SLC30A5: variants seen among roughly 807,000 people sequenced by gnomAD.
The protein encoded by SLC30A5 is solute carrier family 30 member 5.
A neutral mutation model predicts 79.6 loss-of-function variants in SLC30A5; 33 were observed. The ratio of observed to expected loss-of-function variants is 0.41; its 90% CI spans 0.31 to 0.55. The LOEUF (loss-of-function observed/expected upper bound fraction) is 0.55, where lower values mean the gene tolerates loss of function less well. SLC30A5 is among the 20% of genes least tolerant of loss of function. SLC30A5 has a pLI of 0.20. For missense variants in SLC30A5, 788 were observed against 928.1 expected (o/e 0.85, Z 1.96); for synonymous variants, 299 against 319.7 (o/e 0.94, Z 0.69).
At position 69,128,125 on chromosome 5, in the gene SLC30A5, T is replaced by C. The variant is rs370187695; in HGVS notation, c.2120T>C (p.Val707Ala). The C allele has an allele frequency of 1.9e-6, 3 of 1,606,322 alleles. No homozygotes were observed. ...TCTGATGTGCTAGAACAAAGAATAG[T>C]ACAGCAGGTAATCTTTTGTTTTTAA... ...VTSDVLEQRI[V>A]QQVTGILKDA... is the part of the protein sequence containing the mutation. Residue 707 changes from valine to alanine, a missense_variant, in exon 15 of 16, where the codon GTA becomes GCA. Transcript: ENST00000396591.
rs764958420 is a variant in SLC30A5 at position 69,116,130 on chromosome 5, G to T, written c.988G>T (p.Ala330Ser). The T allele has an allele frequency of 2.5e-6, 4 of 1,614,122 alleles. No individual in the cohort carries two copies. In the Admixed American group the frequency reaches 6.7e-5, roughly 27 times the overall value. ...WTHPITDQLR[A>S]MNKAAHQEST... ...ACATCCAATAACAGACCAGCTTCGG[G>T]CTATGAACAAAGCAGCACACCAGGA... The change falls in exon 9 of 16, where the codon GCT (alanine) becomes TCT (serine). Residue 330 changes from alanine to serine, a missense_variant. Physicochemically the swap from Ala to Ser is moderately conservative, Grantham distance 99. Coordinates refer to ENST00000396591, the MANE Select transcript of SLC30A5 (RefSeq NM_022902.5). This position sits in a 1 kb window ranked among gnomAD's most constrained non-coding sequence, Gnocchi z 4.0.
chr5:69,114,428 C>A lies in SLC30A5; in HGVS notation c.544C>A (p.His182Asn). ...MAKMAEHPEGHHDSALTHMLY... is the reference protein window; with the variant it reads ...MAKMAEHPEGNHDSALTHMLY... ...TACTTCAACTCACTTAGCTGAAGGA[C>A]ATCATGACAGTGCTCTAACTCATAT... The change falls in exon 7 of 16, where the codon CAT becomes AAT. Residue 182 changes from histidine (H) to asparagine (N), a missense_variant. Transcript: ENST00000396591. 6.2e-7 allele frequency: 1 copy of A among 1,605,558 alleles called. No individual in the cohort carries two copies. The highest frequency in any genetic ancestry group is 8.5e-7 in the Non-Finnish European group (1 of 1,172,672).
At chr5:69,108,530 G>A in intron 5 of SLC30A5, 94 bp downstream of exon 5, 1 of 996,626 alleles carries the variant, frequency 1.0e-6, no homozygotes, top group Non-Finnish European at 1.6e-6. Flanking sequence ...CCATTTAAAA[G>A]AATGCAGGAG....
At chr5:69,096,025 C>A (rs1745719245) in intron 1 of SLC30A5, among the ~76,000 whole-genome samples, 1 of 152,078 alleles carries the variant, frequency 6.6e-6, no homozygotes, top group Admixed American at 6.5e-5. Context: ...GCCGAGATCG[C>A]ACCACTGCAC....
chr5:69,129,524 G>A lies in SLC30A5; in HGVS notation c.2205G>A (p.Met735Ile). ...AAAAGGAGGCATACTTTCAACATAT[G>A]TCTGGCCTAAGTACTGGATTTCATG... ...QVEKEAYFQH[M>I]SGLSTGFHDV... Residue 735 changes from methionine (M) to isoleucine (I), a missense_variant, in exon 16 of 16, where the codon ATG (methionine) becomes ATA (isoleucine). Around this residue, in one of 3 missense-constraint regions of SLC30A5, gnomAD observed 158 missense variants for 156.2 expected, o/e 1.01. Coordinates refer to ENST00000396591, the MANE Select transcript of SLC30A5 (RefSeq NM_022902.5). The A allele has an allele frequency of 6.2e-7, 1 of 1,613,636 alleles. No homozygotes were observed. The highest frequency in any genetic ancestry group is 8.5e-7 in the Non-Finnish European group (1 of 1,179,796).
Position 69,100,826 on chromosome 5 carries a change from T to C in SLC30A5, c.103T>C (p.Leu35=). The C allele has an allele frequency of 1.9e-6, 3 of 1,600,166 alleles. No homozygotes were observed. The highest frequency in any genetic ancestry group is 2.6e-6 in the Non-Finnish European group (3 of 1,169,232). ...TTTCAGATTAACAAAATATATTGTG[T>C]TACTATGTTTCACTAAATTTTTGAA... ...PSARLTKYIV[L]LCFTKFLKAV... The change falls in exon 2 of 16, where the codon TTA becomes CTA. Residue 35 remains leucine, a synonymous_variant. Transcript: ENST00000396591.
chr5:69,094,112 C>T lies in SLC30A5; in HGVS notation c.-144C>T, dbSNP rs1263521885. 2 of 425,796 alleles carry T rather than the reference C, an allele frequency of 4.7e-6. No individual in the cohort carries two copies. Among genetic ancestry groups the T allele is most frequent in the Non-Finnish European group, 8.2e-6 (2 of 243,114 alleles). 26.4% of individuals were successfully genotyped at this position (425,796 alleles called of 1,614,324 possible). ...GCTAGTGAGCCGGAGCCGGCGACGGCGGCAGTGGCGGCCCGGCCTGCAGGA... is the reference window on the plus strand; with the variant it reads ...GCTAGTGAGCCGGAGCCGGCGACGGTGGCAGTGGCGGCCCGGCCTGCAGGA... On this transcript the variant is annotated 5_prime_UTR_variant, in exon 1 of 16. Coordinates refer to ENST00000396591, the MANE Select transcript of SLC30A5 (RefSeq NM_022902.5).
intron 12 of SLC30A5, among the ~76,000 whole-genome samples, chr5:69,119,547 G>A (rs547100025): frequency 5.6e-4 from 86 of 152,250 alleles, no homozygotes; most frequent in Admixed American, 1.7e-3. Flanking sequence ...CTGGCTTGTC[G>A]TAGGAAATCA....
At chr5:69,103,935 C>T (rs746839079) in intron 3 of SLC30A5, 14 of 1,487,858 alleles carry the variant, frequency 9.4e-6, no homozygotes, top group Non-Finnish European at 1.3e-5. Context: ...GTCTAAACCC[C>T]ATTTTAACTT....
chr5:69,118,311 G>GTGTGTGTATA (rs1321743509), intron 11 of SLC30A5, 188 bp from the exon 12 acceptor site: 19 of 157,664 alleles, frequency 1.2e-4, no homozygotes, highest in African/African-American at 4.6e-4. Flanking sequence ...ATATATATGT[G>GTGTGTGTATA]TATATATATA....
intron 1 of SLC30A5, among the ~76,000 whole-genome samples, chr5:69,096,789 C>A (rs939116392): frequency 5.9e-5 from 9 of 151,958 alleles, no homozygotes; most frequent in African/African-American, 2.2e-4. Flanking sequence ...CAGTGAGACC[C>A]CTGTCTCTAC....
chr5:69,110,808 A>T (rs115434679), intron 5 of SLC30A5, among the ~76,000 whole-genome samples: 2,015 of 152,304 alleles, frequency 0.013, 62 homozygotes, highest in African/African-American at 0.047. Flanking sequence ...ATTTCAGTTT[A>T]AAAAATGCTT....
At chr5:69,129,406 A>G (rs1163844884) in intron 15 of SLC30A5, 41 bp from the exon 16 acceptor site, 4 of 1,491,634 alleles carry the variant, frequency 2.7e-6, no homozygotes, top group Non-Finnish European at 3.7e-6. Context: ...TACTAAATGC[A>G]TTACTCTAAA....
chr5:69,100,661 A>T, intron 1 of SLC30A5, 146 bp from the exon 2 acceptor site: 12 of 455,706 alleles, frequency 2.6e-5, no homozygotes, highest in Non-Finnish European at 4.7e-5. Context: ...GTGGATGGTG[A>T]GTTGTTTGGG....
intron 5 of SLC30A5, among the ~76,000 whole-genome samples, chr5:69,108,916 C>A (rs562892187): frequency 6.6e-6 from 1 of 150,524 alleles, no homozygotes; most frequent in Admixed American, 6.6e-5. Context: ...TATAAGTTTA[C>A]AAAAATAGAT....
chr5:69,110,446 A>G (rs1018750455), intron 5 of SLC30A5, among the ~76,000 whole-genome samples: 2 of 152,230 alleles, frequency 1.3e-5, no homozygotes, highest in Non-Finnish European at 2.9e-5. Flanking sequence ...AGAGCAGAGT[A>G]AAAGAATACT....
chr5:69,111,621 AG>A (rs1746236809), intron 5 of SLC30A5, among the ~76,000 whole-genome samples: 1 of 152,158 alleles, frequency 6.6e-6, no homozygotes, highest in Non-Finnish European at 1.5e-5. Context: ...CTTAATTATG[AG>A]ACTGAAGCAT....
intron 14 of SLC30A5, among the ~76,000 whole-genome samples, chr5:69,125,858 G>A (rs568972807): frequency 3.2e-4 from 29 of 91,848 alleles, no homozygotes; most frequent in African/African-American, 1.5e-3. Context: ...GCCACAGAGC[G>A]AGACTCCGTC....
At position 69,116,229 on chromosome 5, in the gene SLC30A5, CTTT is replaced by C. The variant is rs771173458; in HGVS notation, c.1072+21_1072+23del. 13 of 1,544,120 alleles carry C rather than the reference CTTT, an allele frequency of 8.4e-6. No homozygotes were observed. The highest frequency in any genetic ancestry group is 1.1e-5 in the Non-Finnish European group (13 of 1,147,764). The stretch of plus-strand genomic sequence containing the variant: ...CTTCATTTTGTGTAAGCATTCCCCC[CTTT>C]TTTTTATTTTAACAAATTTCTATTT... On this transcript the variant is annotated intron_variant, in intron 9 of 15. Coordinates refer to ENST00000396591, the MANE Select transcript of SLC30A5 (RefSeq NM_022902.5). This position sits in a 1 kb window ranked among gnomAD's most constrained non-coding sequence, Gnocchi z 4.0.
Sources: allele counts gnomAD v4.1 joint callset (sites outside exome capture counted in the v4.1 genomes callset), GRCh38; gene constraint gnomAD v4.1.1; regional missense constraint gnomAD v4.1.1; non-coding constraint Gnocchi (gnomAD v3.1); transcripts MANE v1.5; gene names NCBI Gene and HGNC (gene_info 2026-07-23, HGNC 2026-07-21).